RUNX3: variants seen among roughly 807,000 people sequenced by gnomAD.
RUNX3 encodes the protein RUNX family transcription factor 3.
In RUNX3, 10 loss-of-function variants were observed where a neutral mutation model predicts 27.7. The observed-to-expected ratio is 0.36, with a 90% CI of 0.22 to 0.61. RUNX3 has a LOEUF of 0.61. RUNX3 is among the 20% of genes least tolerant of loss of function. The pLI is 0.72. For synonymous variants in RUNX3, 270 were observed against 269.2 expected, an observed-to-expected ratio of 1.00 and a Z score of -0.03; for missense variants, 469 against 629.5, an observed-to-expected ratio of 0.75 and a Z score of 2.73.
chr1:24,949,401 T>C (rs1400529169), intron 2 of RUNX3, among the ~76,000 whole-genome samples: 2 of 152,136 alleles, frequency 1.3e-5, no homozygotes, highest in African/African-American at 4.8e-5. Flanking sequence ...CATTTATTCA[T>C]TCCTCCAGGA....
chr1:24,935,280 T>C (rs1050127232), intron 2 of RUNX3, among the ~76,000 whole-genome samples: 5 of 152,198 alleles, frequency 3.3e-5, no homozygotes, highest in Non-Finnish European at 7.3e-5. Context: ...GCCTCAGTGT[T>C]TGCATCTGAA....
chr1:24,955,132 C>A (rs1010036679), intron 2 of RUNX3, among the ~76,000 whole-genome samples: 13 of 152,168 alleles, frequency 8.5e-5, no homozygotes, highest in African/African-American at 2.9e-4. Flanking sequence ...CTCCCCAGAT[C>A]TGCCCTTTCT....
chr1:24,901,898 G>C lies in RUNX3; in HGVS notation c.*224C>G. 1 of 526,402 alleles carries C rather than the reference G, an allele frequency of 1.9e-6. No homozygotes were observed. The highest frequency in any genetic ancestry group is 3.0e-5 in the East Asian group (1 of 33,236). The allele number at this position is 526,402 out of a possible 1,614,324, so 32.6% of individuals were successfully genotyped here. A position where few individuals can be genotyped will look rare whatever the true frequency, so the allele number is the denominator to read the frequency against. ...GATGAGACGGCCAGGATCTGGGCCG[G>C]GGGCAGTATCCCGGGCCGGGGTGGG... On this transcript the variant is annotated 3_prime_UTR_variant, in exon 5 of 5. Coordinates refer to ENST00000308873, the MANE Select transcript of RUNX3 (RefSeq NM_004350.3).
intron 1 of RUNX3, chr1:24,964,806 T>C: frequency 9.0e-7 from 1 of 1,113,688 alleles, no homozygotes. Flanking sequence ...GAGAAAAAAA[T>C]CCCCAAGGAA....
chr1:24,951,549 G>C (rs1641766845), intron 2 of RUNX3, among the ~76,000 whole-genome samples: 1 of 152,222 alleles, frequency 6.6e-6, no homozygotes, highest in Non-Finnish European at 1.5e-5. Flanking sequence ...TGGTGGAGCT[G>C]GTTCTGCCTG....
intron 2 of RUNX3, among the ~76,000 whole-genome samples, chr1:24,921,685 C>G (rs1391401837): frequency 6.6e-6 from 1 of 152,236 alleles, no homozygotes; most frequent in Non-Finnish European, 1.5e-5. Flanking sequence ...TCTCCTCCAA[C>G]CAGCCCAGCA....
Position 24,902,838 on chromosome 1 carries a change from C to T in RUNX3, c.704-172G>A, listed in dbSNP as rs1640587974. 6.6e-6 allele frequency among the ~76,000 whole-genome samples: 1 copy of T among 152,176 alleles called. No homozygotes were observed. Among genetic ancestry groups the T allele is most frequent in the Non-Finnish European group, 1.5e-5 (1 of 68,020 alleles). On this transcript the variant is annotated intron_variant, in intron 4 of 4. Coordinates refer to ENST00000308873, the MANE Select transcript of RUNX3 (RefSeq NM_004350.3). This position sits in a 1 kb window ranked among gnomAD's most constrained non-coding sequence, Gnocchi z 9.2. The stretch of plus-strand genomic sequence containing the variant: ...CCCGGGGCCTCCCCCGCCAGGACTC[C>T]GAACACAGACCTGCCGGGAAGCTGG...
chr1:24,924,147 G>A (rs1182744466), intron 2 of RUNX3, among the ~76,000 whole-genome samples: 23 of 152,144 alleles, frequency 1.5e-4, no homozygotes, highest in Admixed American at 1.5e-3. Context: ...CAGGAGGATC[G>A]CTTGAGTCCA....
rs1413763793 is a variant in RUNX3 at position 24,927,662 on chromosome 1, G to A, written c.351C>T (p.Tyr117=). ...CCGAGGCATTGCGCAGCTCAGCGGA[G>A]TAGTTCTCGTCATTGCCTGCCATCA... ...VTVMAGNDEN[Y]SAELRNASAV... is the part of the protein sequence containing the mutation. Residue 117 remains tyrosine (Y), a synonymous_variant, in exon 2 of 5, where the codon TAC becomes TAT. Transcript: ENST00000308873. This position sits in a 1 kb window ranked among gnomAD's most constrained non-coding sequence, Gnocchi z 5.0. 6.2e-7 allele frequency: 1 copy of A among 1,614,148 alleles called. No individual in the cohort carries two copies. The highest frequency in any genetic ancestry group is 2.2e-5 in the East Asian group (1 of 44,884).
Position 24,943,319 on chromosome 1 carries a change from C to G in RUNX3, c.59-13467G>C, listed in dbSNP as rs1018343011. Among the ~76,000 whole-genome samples, 1 of 152,186 alleles carries G rather than the reference C, an allele frequency of 6.6e-6. No homozygotes were observed. The highest frequency in any genetic ancestry group is 2.4e-5 in the African/African-American group (1 of 41,436). On this transcript the variant is annotated intron_variant, in intron 2 of 6. Transcript: ENST00000338888. The surrounding 1 kb of genome is among the most constrained non-coding windows in gnomAD (Gnocchi z 4.6). ...TCCCACAGCCAGCAAATGTGAGGCT[C>G]CTGGAGACAGGGTCATGGACTTGAG... is the stretch of plus-strand genomic sequence containing the variant.
chr1:24,956,281 C>T (rs1641922438), intron 2 of RUNX3, among the ~76,000 whole-genome samples: 1 of 152,232 alleles, frequency 6.6e-6, no homozygotes, highest in African/African-American at 2.4e-5. Flanking sequence ...CTTTCTTTCT[C>T]TGAAAACAAA....
chr1:24,906,096 G>C (rs1640659741), intron 4 of RUNX3, among the ~76,000 whole-genome samples: 1 of 152,208 alleles, frequency 6.6e-6, no homozygotes, highest in South Asian at 2.1e-4. Flanking sequence ...CCTGGCTGCA[G>C]CACTATGCCT....
exon 1 of RUNX3, chr1:24,964,873 G>T: frequency 1.8e-6 from 1 of 544,830 alleles, no homozygotes; most frequent in Non-Finnish European, 3.1e-6. Flanking sequence ...GGAATGTCTA[G>T]CCACAAATTC....
intron 3 of RUNX3, 111 bp from the exon 4 acceptor site, chr1:24,907,528 C>T (rs996600472): frequency 1.8e-6 from 2 of 1,124,782 alleles, no homozygotes; most frequent in Admixed American, 5.3e-5. Flanking sequence ...TAGGCCTCTG[C>T]TGGGAGAACC....
chr1:24,946,235 G>A (rs936213208), intron 2 of RUNX3, among the ~76,000 whole-genome samples: 14 of 152,046 alleles, frequency 9.2e-5, no homozygotes, highest in Admixed American at 5.2e-4. Context: ...ATTCATTAAA[G>A]AAAAATTGGA....
chr1:24,909,689 C>T (rs1395222775), intron 3 of RUNX3, among the ~76,000 whole-genome samples: 1 of 152,236 alleles, frequency 6.6e-6, no homozygotes, highest in Non-Finnish European at 1.5e-5. Flanking sequence ...CCTTTAGTTC[C>T]CTTACATGCA....
intron 2 of RUNX3, among the ~76,000 whole-genome samples, chr1:24,956,402 T>C (rs942278749): frequency 2.0e-5 from 3 of 152,262 alleles, no homozygotes; most frequent in Non-Finnish European, 2.9e-5. Flanking sequence ...CAGTATTAAC[T>C]ACTATGGACT....
intron 3 of RUNX3, 36 bp downstream of exon 3, chr1:24,919,204 C>A (rs769261687): frequency 1.2e-5 from 16 of 1,365,492 alleles, no homozygotes; most frequent in Non-Finnish European, 1.6e-5. Context: ...ACCCTCCTCC[C>A]CCGCGCAGGG....
chr1:24,899,803 C>T lies in RUNX3; in HGVS notation c.*2319G>A, dbSNP rs1461559399. 1 of 152,524 alleles carries T rather than the reference C, an allele frequency of 6.6e-6. No individual in the cohort carries two copies. The highest frequency in any genetic ancestry group is 1.5e-5 in the Non-Finnish European group (1 of 68,052). 9.4% of individuals were successfully genotyped at this position (152,524 alleles called of 1,614,324 possible). A position where few individuals can be genotyped will look rare whatever the true frequency, so the allele number is the denominator to read the frequency against. ...CAGTAACACTATATCAAAACGTCTTCCTTTCCTCGTGCTTCCTACATCAGT... is the reference window on the plus strand; with the variant it reads ...CAGTAACACTATATCAAAACGTCTTTCTTTCCTCGTGCTTCCTACATCAGT... On this transcript the variant is annotated 3_prime_UTR_variant, in exon 5 of 5. Transcript: ENST00000308873.
Sources: allele counts gnomAD v4.1 joint callset (sites outside exome capture counted in the v4.1 genomes callset), GRCh38; gene constraint gnomAD v4.1.1; non-coding constraint Gnocchi (gnomAD v3.1); transcripts MANE v1.5; gene names NCBI Gene and HGNC (gene_info 2026-07-23, HGNC 2026-07-21).